DOCK1: variants seen among roughly 807,000 people sequenced by gnomAD.
DOCK1 encodes dedicator of cytokinesis protein 1.
Under a neutral mutation model 262.7 loss-of-function variants are expected in DOCK1, and 138 were observed. The ratio of observed to expected loss-of-function variants is 0.53; its 90% CI spans 0.46 to 0.61. The LOEUF is 0.61. Among genes scored for constraint, DOCK1 ranks in the 20% least tolerant of loss-of-function variants. DOCK1 has a pLI of 0.00. For missense variants in DOCK1, 1,908 were observed against 2,370.7 expected, an observed-to-expected ratio of 0.80 and a Z score of 4.05; for synonymous variants, 866 against 867.4, an observed-to-expected ratio of 1.00 and a Z score of 0.03.
intron 29 of DOCK1, among the ~76,000 whole-genome samples, chr10:127,332,561 G>A (rs1035523668): frequency 2.0e-5 from 3 of 151,982 alleles, no homozygotes; most frequent in Non-Finnish European, 2.9e-5. Flanking sequence ...CGTCTCTCAC[G>A]GTCTGGCCCA....
chr10:126,931,775 T>A (rs2034207659), intron 1 of DOCK1, among the ~76,000 whole-genome samples: 1 of 152,154 alleles, frequency 6.6e-6, no homozygotes, highest in Non-Finnish European at 1.5e-5. Context: ...TGTCTTCATC[T>A]ATCGACTGAG....
intron 29 of DOCK1, among the ~76,000 whole-genome samples, chr10:127,302,961 AT>A (rs1260960464): frequency 1.3e-5 from 2 of 152,142 alleles, no homozygotes; most frequent in East Asian, 1.9e-4. Flanking sequence ...GTGACATTAA[AT>A]TTTTTACTGA....
intron 51 of DOCK1, among the ~76,000 whole-genome samples, chr10:127,448,260 C>T (rs987030880): frequency 6.6e-6 from 1 of 152,244 alleles, no homozygotes; most frequent in Non-Finnish European, 1.5e-5. Flanking sequence ...GCTGGTACCC[C>T]CCAGCAGCTG....
At chr10:126,996,254 C>T (rs985607594) in intron 6 of DOCK1, among the ~76,000 whole-genome samples, 16 of 151,734 alleles carry the variant, frequency 1.1e-4, no homozygotes, top group African/African-American at 2.4e-5. Flanking sequence ...GTGGCACACA[C>T]CTGTAACCCC....
intron 47 of DOCK1, among the ~76,000 whole-genome samples, chr10:127,432,345 G>A (rs938381081): frequency 3.3e-5 from 5 of 151,878 alleles, no homozygotes; most frequent in Admixed American, 1.3e-4. Flanking sequence ...GTAATCTACC[G>A]CTTCTGGCCT....
At chr10:127,120,973 C>G (rs987231464) in intron 25 of DOCK1, among the ~76,000 whole-genome samples, 8 of 152,116 alleles carry the variant, frequency 5.3e-5, no homozygotes, top group Non-Finnish European at 1.2e-4. Context: ...GGGAGACGAC[C>G]AACAGCATCC....
At chr10:126,987,033 C>T (rs1377170624) in intron 4 of DOCK1, among the ~76,000 whole-genome samples, 1 of 152,156 alleles carries the variant, frequency 6.6e-6, no homozygotes, top group Non-Finnish European at 1.5e-5. Flanking sequence ...GAAGCTGTAA[C>T]CTCTCTCATA....
At chr10:126,905,670 G>T (rs1169773803) in intron 1 of DOCK1, 107 bp downstream of exon 1, 1 of 158,626 alleles carries the variant, frequency 6.3e-6, no homozygotes, top group Non-Finnish European at 1.4e-5. Context: ...CCGGGCCGGG[G>T]AGAGGCGCTT....
At position 127,419,672 on chromosome 10, in the gene DOCK1, T is replaced by G; in HGVS notation, c.4699T>G (p.Phe1567Val). 2 of 1,603,428 alleles carry G rather than the reference T, an allele frequency of 1.2e-6. No individual in the cohort carries two copies. The highest frequency in any genetic ancestry group is 1.7e-6 in the Non-Finnish European group (2 of 1,174,734). ...GGFANYEKAFFTDRYLQEHPE... is the reference protein window; with the variant it reads ...GGFANYEKAFVTDRYLQEHPE... Reference sequence around the variant, plus strand: ...CTCTCCTTGTCTCCACCAGGCCTTCTTTACAGACCGGTACCTGCAGGAGCA... The same window carrying G: ...CTCTCCTTGTCTCCACCAGGCCTTCGTTACAGACCGGTACCTGCAGGAGCA... The change falls in exon 46 of 52, where the codon TTT becomes GTT. Residue 1567 changes from phenylalanine to valine, a missense_variant. Phe to Val is a conservative substitution (Grantham distance 50). Transcript: ENST00000623213.
intron 1 of DOCK1, among the ~76,000 whole-genome samples, chr10:126,961,142 G>T (rs996334692): frequency 0.059 from 9,038 of 152,096 alleles, 303 homozygotes; most frequent in African/African-American, 0.078. Context: ...TCCTTAATTA[G>T]GTAGATGACT....
At chr10:127,172,221 C>CA (rs1470923884) in intron 27 of DOCK1, among the ~76,000 whole-genome samples, 1 of 152,148 alleles carries the variant, frequency 6.6e-6, no homozygotes, top group African/African-American at 2.4e-5. Flanking sequence ...ACTTGCCCTT[C>CA]AAGGGATTGG....
At position 127,043,404 on chromosome 10, in the gene DOCK1, C is replaced by T. The variant is rs141556760; in HGVS notation, c.2201+240C>T. Reference sequence around the variant, plus strand: ...AATTCTTGTTCTCCCTCACACCTTCCATTTATCTTTGAAATCTTCACTTTA... The same window carrying T: ...AATTCTTGTTCTCCCTCACACCTTCTATTTATCTTTGAAATCTTCACTTTA... On this transcript the variant is annotated intron_variant, in intron 21 of 51. Transcript: ENST00000623213. 1.8e-3 allele frequency among the ~76,000 whole-genome samples: 277 copies of T among 152,314 alleles called. 2 individuals carry two copies. The highest frequency in any genetic ancestry group is 4.6e-3 in the South Asian group (22 of 4,830).
intron 29 of DOCK1, among the ~76,000 whole-genome samples, chr10:127,272,904 A>G (rs2060619770): frequency 6.6e-6 from 1 of 152,216 alleles, no homozygotes; most frequent in Non-Finnish European, 1.5e-5. Flanking sequence ...CAAGAGGAAC[A>G]GCACGAAAGA....
intron 25 of DOCK1, among the ~76,000 whole-genome samples, chr10:127,117,330 C>A (rs902305174): frequency 6.6e-6 from 1 of 152,168 alleles, no homozygotes; most frequent in Admixed American, 6.5e-5. Flanking sequence ...AGCTGTCCAC[C>A]GCCGTGGTGC....
chr10:127,295,559 A>G (rs754193675), intron 29 of DOCK1, among the ~76,000 whole-genome samples: 6 of 152,058 alleles, frequency 3.9e-5, no homozygotes, highest in Non-Finnish European at 8.8e-5. Context: ...GGTTGTGTGC[A>G]CCTGTACTCT....
chr10:127,386,549 G>C (rs1186977777), intron 38 of DOCK1, among the ~76,000 whole-genome samples: 1 of 151,300 alleles, frequency 6.6e-6, no homozygotes, highest in Non-Finnish European at 1.5e-5. Flanking sequence ...GAGGGATCTA[G>C]GTGCCATACT....
intron 35 of DOCK1, among the ~76,000 whole-genome samples, chr10:127,378,712 T>C (rs2065662558): frequency 6.6e-6 from 1 of 152,202 alleles, no homozygotes; most frequent in South Asian, 2.1e-4. Flanking sequence ...AAGGGGATGG[T>C]GTGAAACCGT....
chr10:127,110,117 G>T, intron 24 of DOCK1, 131 bp from the exon 25 acceptor site: 3 of 717,722 alleles, frequency 4.2e-6, no homozygotes, highest in Admixed American at 4.3e-5. Flanking sequence ...ACCCCATAGT[G>T]CATGAGAGGC....
intron 23 of DOCK1, among the ~76,000 whole-genome samples, chr10:127,077,371 G>A (rs187395470): frequency 5.9e-5 from 9 of 152,272 alleles, no homozygotes; most frequent in African/African-American, 2.2e-4. Context: ...CTCCAGCCTA[G>A]GTGACAGAGC....
Sources: gnomAD v4.1 joint callset for allele counts (sites outside exome capture counted in the v4.1 genomes callset) on GRCh38, gnomAD v4.1.1 for gene constraint, MANE v1.5 for transcripts, NCBI Gene and HGNC (gene_info 2026-07-23, HGNC 2026-07-21) for gene names.